MRTFB: variants seen among roughly 807,000 people sequenced by gnomAD.
MRTFB encodes the protein myocardin-related transcription factor B.
Under a neutral mutation model 104.2 loss-of-function variants are expected in MRTFB, and 29 were observed. The observed-to-expected ratio is 0.28, with a 90% CI of 0.21 to 0.38. MRTFB has a LOEUF of 0.38. Ranked by LOEUF, MRTFB falls within the 10% of genes least tolerant of loss-of-function variation. The pLI is 1.00. For synonymous variants in MRTFB, 535 were observed against 519.5 expected (o/e 1.03, Z -0.41); for missense variants, 1,270 against 1,341.6 (o/e 0.95, Z 0.83).
chr16:14,128,542 A>G (rs186122032), intron 2 of MRTFB, among the ~76,000 whole-genome samples: 1 of 152,338 alleles, frequency 6.6e-6, no homozygotes, highest in Admixed American at 6.5e-5. Flanking sequence ...AACAGCAACA[A>G]AAAGCAAGTG....
intron 9 of MRTFB, 86 bp downstream of exon 9, chr16:14,234,369 T>C: frequency 2.1e-6 from 3 of 1,460,916 alleles, no homozygotes; most frequent in Non-Finnish European, 2.8e-6. Flanking sequence ...AAGGCATTTA[T>C]CCAACTTGCT....
intron 2 of MRTFB, among the ~76,000 whole-genome samples, chr16:14,109,644 A>G (rs1429727123): frequency 6.6e-6 from 1 of 152,176 alleles, no homozygotes; most frequent in Non-Finnish European, 1.5e-5. Context: ...GAGATCACCA[A>G]GTTGTCCATT....
At chr16:14,021,141 G>C in the MRTFB span, 1 of 152,206 alleles carries the variant, frequency 6.6e-6, no homozygotes, top group Non-Finnish European at 1.5e-5. Flanking sequence ...CACAGTTCTG[G>C]AGGTCAGAAG....
At chr16:14,234,788 C>T (rs1567199281) in intron 9 of MRTFB, among the ~76,000 whole-genome samples, 1 of 152,100 alleles carries the variant, frequency 6.6e-6, no homozygotes, top group Non-Finnish European at 1.5e-5. Context: ...GAGCAAGACC[C>T]TGTCTCTTTA....
intron 8 of MRTFB, among the ~76,000 whole-genome samples, chr16:14,224,329 T>C (rs1293490229): frequency 6.6e-6 from 1 of 152,196 alleles, no homozygotes; most frequent in Non-Finnish European, 1.5e-5. Flanking sequence ...TACACAAACC[T>C]AGATGGTATG....
chr16:14,058,261 A>G, the MRTFB span, among the ~76,000 whole-genome samples: 1 of 152,202 alleles, frequency 6.6e-6, no homozygotes, highest in Non-Finnish European at 1.5e-5. Flanking sequence ...CTCGGAAGGA[A>G]TCTTTAGCAA....
At chr16:14,253,059 G>A (rs1453758870) in intron 15 of MRTFB, among the ~76,000 whole-genome samples, 1 of 152,150 alleles carries the variant, frequency 6.6e-6, no homozygotes, top group Non-Finnish European at 1.5e-5. Context: ...CACACATGGT[G>A]ACCATGTGGC....
At chr16:14,257,999 G>C (rs962454888) in intron 15 of MRTFB, 102 bp from the exon 16 acceptor site, 1 of 997,432 alleles carries the variant, frequency 1.0e-6, no homozygotes, top group African/African-American at 1.6e-5. Context: ...TATCACGATA[G>C]ATTAGAACTA....
At chr16:14,256,163 T>A (rs1246453771) in intron 15 of MRTFB, among the ~76,000 whole-genome samples, 41 of 137,394 alleles carry the variant, frequency 3.0e-4, no homozygotes, top group African/African-American at 1.2e-3. Context: ...GTCAAATTTT[T>A]TTTTAAGGAC....
intron 2 of MRTFB, among the ~76,000 whole-genome samples, chr16:14,105,647 C>T (rs112089306): frequency 1.3e-5 from 2 of 152,278 alleles, no homozygotes; most frequent in Non-Finnish European, 2.9e-5. Flanking sequence ...GATCCTCTCA[C>T]CTCAGCCTCC....
At chr16:14,074,930 G>A (rs2033945196) in intron 1 of MRTFB, among the ~76,000 whole-genome samples, 2 of 152,168 alleles carry the variant, frequency 1.3e-5, no homozygotes, top group Non-Finnish European at 2.9e-5. Context: ...GAATTTTCAC[G>A]AAGAGCAGAT....
rs1222262781 is a variant in MRTFB, at chr16:14,149,361, C to A, written c.154+8601C>A. 3 of 152,158 alleles carry A rather than the reference C, an allele frequency of 2.0e-5. No individual in the cohort carries two copies. The East Asian group carries it at 5.8e-4, about 29-fold the overall frequency. The allele number at this position is 152,158 out of a possible 1,614,324, so 9.4% of individuals were successfully genotyped here. A position where few individuals can be genotyped will look rare whatever the true frequency, so the allele number is the denominator to read the frequency against. ...AGCAAAAAGTCTGATTCACGGCTTG[C>A]CTTTGGTTCTTGTAGTCTAAGTTTA... On this transcript the variant is annotated intron_variant, in intron 3 of 16. Transcript: ENST00000571589.
intron 10 of MRTFB, among the ~76,000 whole-genome samples, chr16:14,241,941 C>T (rs1412371457): frequency 6.7e-6 from 1 of 150,184 alleles, no homozygotes; most frequent in African/African-American, 2.4e-5. Flanking sequence ...CCTCCACTGC[C>T]ATCCTCCTTT....
chr16:14,260,848 A>G, intron 16 of MRTFB, 61 bp from the exon 17 acceptor site: 1 of 1,391,178 alleles, frequency 7.2e-7, no homozygotes, highest in Non-Finnish European at 9.8e-7. Flanking sequence ...CTAGTAATTA[A>G]TAAAAATTTT....
chr16:14,155,820 A>C (rs928968), intron 3 of MRTFB, among the ~76,000 whole-genome samples: 23 of 152,054 alleles, frequency 1.5e-4, no homozygotes, highest in Admixed American at 2.0e-4. Context: ...TTCTTGCCCA[A>C]ACTTGTGAGA....
chr16:14,129,889 C>CGTGAT (rs2037351045), intron 2 of MRTFB, among the ~76,000 whole-genome samples: 1 of 152,104 alleles, frequency 6.6e-6, no homozygotes, highest in Non-Finnish European at 1.5e-5. Context: ...AGTGCAGTGG[C>CGTGAT]GTGATCTCCC....
At chr16:14,095,425 A>G (rs1294188951) in intron 2 of MRTFB, among the ~76,000 whole-genome samples, 1 of 152,206 alleles carries the variant, frequency 6.6e-6, no homozygotes, top group Non-Finnish European at 1.5e-5. Context: ...CCTGCCTGTA[A>G]AATGCTCCAT....
chr16:14,048,380 G>A, the MRTFB span, among the ~76,000 whole-genome samples: 46 of 152,184 alleles, frequency 3.0e-4, no homozygotes, highest in East Asian at 7.7e-4. Context: ...CAGAGACCTC[G>A]TGACCCAGAG....
chr16:14,160,281 T>C (rs2038983205), intron 3 of MRTFB, among the ~76,000 whole-genome samples: 1 of 152,192 alleles, frequency 6.6e-6, no homozygotes, highest in African/African-American at 2.4e-5. Context: ...AGGCCAGTTA[T>C]TTTGCAGAAT....
Sources: allele counts gnomAD v4.1 joint callset (sites outside exome capture counted in the v4.1 genomes callset), GRCh38; gene constraint gnomAD v4.1.1; transcripts MANE v1.5; gene names NCBI Gene and HGNC (gene_info 2026-07-23, HGNC 2026-07-21).